The following FRY variants were observed in gnomAD, a reference collection of about 807,000 sequenced individuals.
FRY encodes FRY microtubule binding protein.
Under a neutral mutation model 348.4 loss-of-function variants are expected in FRY, and 128 were observed. The observed-to-expected ratio is 0.37, with a 90% CI of 0.32 to 0.43. FRY has a LOEUF of 0.43. Ranked by LOEUF, FRY falls within the 20% of genes least tolerant of loss-of-function variation. The pLI, the probability that FRY is intolerant of heterozygous loss-of-function variation, is 1.00. For synonymous variants in FRY, 1,370 were observed against 1,374.7 expected (o/e 1.00, Z 0.08); for missense variants, 2,736 against 3,695.2 (o/e 0.74, Z 6.73).
intron 35 of FRY, among the ~76,000 whole-genome samples, chr13:32,213,772 C>T (rs1235999397): frequency 6.6e-6 from 1 of 152,210 alleles, no homozygotes; most frequent in Non-Finnish European, 1.5e-5. Context: ...ATTACCATCT[C>T]ATTACAAAGG....
At position 32,188,897 on chromosome 13, in the gene FRY, T is replaced by G. The variant is rs77400125; in HGVS notation, c.3591+1241T>G. ...GTCACATGGAACATTTGCTAAAGTT[T>G]AATTTTTCAGTCAGAATTGTATAAG... On this transcript the variant is annotated intron_variant, in intron 28 of 60. Transcript: ENST00000542859. 3.3e-3 allele frequency among the ~76,000 whole-genome samples: 497 copies of G among 152,276 alleles called. 1 individual carries two copies. The highest frequency in any genetic ancestry group is 0.01 in the African/African-American group (417 of 41,576).
chr13:32,149,197 G>A (rs1880646957), intron 13 of FRY, among the ~76,000 whole-genome samples: 1 of 147,154 alleles, frequency 6.8e-6, no homozygotes, highest in Non-Finnish European at 1.5e-5. Flanking sequence ...ATATATACCT[G>A]GCATATTATA....
At chr13:32,270,733 T>C (rs1029771743) in intron 55 of FRY, among the ~76,000 whole-genome samples, 1 of 152,210 alleles carries the variant, frequency 6.6e-6, no homozygotes, top group Non-Finnish European at 1.5e-5. Context: ...CTGTTACTTC[T>C]TTCTCCCTTC....
intron 33 of FRY, 73 bp downstream of exon 33, chr13:32,209,804 G>A: frequency 1.4e-6 from 2 of 1,426,724 alleles, no homozygotes; most frequent in African/African-American, 1.4e-5. Flanking sequence ...AAGTCAGAAT[G>A]TGCTCTTTGC....
At chr13:32,123,606 C>T (rs1229962229) in intron 4 of FRY, among the ~76,000 whole-genome samples, 1 of 152,134 alleles carries the variant, frequency 6.6e-6, no homozygotes, top group Non-Finnish European at 1.5e-5. Flanking sequence ...CAATGTCCAC[C>T]TCTGGTATGG....
intron 11 of FRY, among the ~76,000 whole-genome samples, chr13:32,140,085 A>G (rs889458905): frequency 7.6e-6 from 1 of 131,900 alleles, no homozygotes; most frequent in Non-Finnish European, 1.7e-5. Context: ...CCAGATTATT[A>G]AAAAAAAAAC....
At chr13:32,073,844 A>G (rs1198869534) in intron 1 of FRY, among the ~76,000 whole-genome samples, 1 of 152,218 alleles carries the variant, frequency 6.6e-6, no homozygotes, top group African/African-American at 2.4e-5. Flanking sequence ...GGGCTCTTAT[A>G]TGAGGACGCT....
At chr13:32,263,006 G>A (rs1297394833) in intron 53 of FRY, among the ~76,000 whole-genome samples, 1 of 152,214 alleles carries the variant, frequency 6.6e-6, no homozygotes, top group East Asian at 1.9e-4. Flanking sequence ...CAGAGTCTGT[G>A]AGGAGAAAAG....
At chr13:32,205,182 G>A (rs1269126578) in intron 31 of FRY, among the ~76,000 whole-genome samples, 5 of 123,016 alleles carry the variant, frequency 4.1e-5, no homozygotes, top group Non-Finnish European at 7.9e-5. Flanking sequence ...CAGCCTGAGC[G>A]ACAGAGCGAG....
chr13:32,276,581 A>G lies in FRY; in HGVS notation c.8385+19A>G, dbSNP rs778676669. Reference sequence around the variant, plus strand: ...ACTCTCTGTAAGCTTTTGTGTTTCTATGCATATGCAGTCAGTTAAAACCAA... The same window carrying G: ...ACTCTCTGTAAGCTTTTGTGTTTCTGTGCATATGCAGTCAGTTAAAACCAA... On this transcript the variant is annotated intron_variant, in intron 57 of 60. Transcript: ENST00000542859. 6.3e-6 allele frequency: 8 copies of G among 1,269,298 alleles called. No individual in the cohort carries two copies. Among genetic ancestry groups the G allele is most frequent in the Admixed American group, 5.0e-5 (3 of 59,612 alleles). The allele number at this position is 1,269,298 out of a possible 1,614,324, so 78.6% of individuals were successfully genotyped here.
intron 54 of FRY, among the ~76,000 whole-genome samples, chr13:32,266,072 A>G (rs1358838292): frequency 6.6e-5 from 10 of 152,188 alleles, no homozygotes; most frequent in Admixed American, 5.2e-4. Flanking sequence ...CAGAAAAAAA[A>G]AATGTGAAGA....
intron 7 of FRY, among the ~76,000 whole-genome samples, chr13:32,130,570 G>A (rs1879296344): frequency 1.3e-5 from 2 of 150,522 alleles, no homozygotes; most frequent in Non-Finnish European, 2.9e-5. Context: ...TCTACTCTTA[G>A]GTACTTGAAG....
At chr13:32,059,968 T>C (rs994102130) in intron 1 of FRY, among the ~76,000 whole-genome samples, 1 of 152,174 alleles carries the variant, frequency 6.6e-6, no homozygotes, top group Non-Finnish European at 1.5e-5. Flanking sequence ...GCAGAATCAC[T>C]TTAAGTGTTC....
intron 1 of FRY, among the ~76,000 whole-genome samples, chr13:32,064,704 G>A (rs1204656454): frequency 6.6e-6 from 1 of 152,146 alleles, no homozygotes; most frequent in African/African-American, 2.4e-5. Flanking sequence ...GTTCAACCTA[G>A]TGGCATACTG....
chr13:32,180,290 A>T (rs749711452), intron 23 of FRY, among the ~76,000 whole-genome samples: 1 of 150,532 alleles, frequency 6.6e-6, no homozygotes, highest in Non-Finnish European at 1.5e-5. Flanking sequence ...GCTGGAGTGC[A>T]GTGGCGCAAT....
At chr13:32,218,727 C>A (rs9567442) in intron 35 of FRY, 22 bp from the exon 36 acceptor site, 14 of 1,252,346 alleles carry the variant, frequency 1.1e-5, no homozygotes, top group Non-Finnish European at 1.5e-5. Context: ...ATATTTCATT[C>A]TGGTTGTTCT....
chr13:32,177,976 G>T (rs576688513), intron 20 of FRY, among the ~76,000 whole-genome samples: 1 of 152,276 alleles, frequency 6.6e-6, no homozygotes, highest in South Asian at 2.1e-4. Context: ...CACTTAAGCT[G>T]CTTATCATCT....
intron 17 of FRY, among the ~76,000 whole-genome samples, chr13:32,166,501 A>T (rs1418779419): frequency 6.6e-6 from 1 of 151,906 alleles, no homozygotes; most frequent in African/African-American, 2.4e-5. Flanking sequence ...CATCTTTCTC[A>T]TTTAACTCCA....
At chr13:32,072,302 A>G (rs938185429) in intron 1 of FRY, among the ~76,000 whole-genome samples, 1 of 152,230 alleles carries the variant, frequency 6.6e-6, no homozygotes, top group Non-Finnish European at 1.5e-5. Context: ...CTTTTCTTCC[A>G]ATGCAAAAAT....
Sources: allele counts gnomAD v4.1 joint callset (sites outside exome capture counted in the v4.1 genomes callset), GRCh38; gene constraint gnomAD v4.1.1; transcripts MANE v1.5; gene names NCBI Gene and HGNC (gene_info 2026-07-23, HGNC 2026-07-21).